Variants in CDAN1 observed in about 807,000 individuals in gnomAD.
The protein encoded by CDAN1 is codanin 1, also known as codanin-1.
A neutral mutation model predicts 139.8 loss-of-function variants in CDAN1; 107 were observed. That is an observed-to-expected ratio of 0.77 (90% CI 0.65 to 0.90). The LOEUF is 0.90. Among genes scored for constraint, CDAN1 ranks in the 40% least tolerant of loss-of-function variants. The probability of loss-of-function intolerance (pLI) is 0.00; values close to 1 mark genes in which losing one functional copy is unlikely to be tolerated. For synonymous variants in CDAN1, 776 were observed against 660.6 expected, an observed-to-expected ratio of 1.17 and a Z score of -2.68; for missense variants, 1,667 against 1,575.7, an observed-to-expected ratio of 1.06 and a Z score of -0.98.
chr15:42,725,181 G>A lies in CDAN1; in HGVS notation c.3521C>T (p.Ala1174Val). ...GGCCTGGTGGAGGCTGCCCAGGCAG[G>A]CCTCTATCTCCATCCGTCCCATCAG... ...KGLMGRMEIE[A>V]CLGSLHQAQW... Residue 1174 changes from alanine (A) to valine (V), a missense_variant, in exon 27 of 28, where the codon GCC becomes GTC. Around this residue, in one of 3 missense-constraint regions of CDAN1, gnomAD observed 936 missense variants for 844.1 expected, o/e 1.11. Transcript: ENST00000356231. 6.2e-7 allele frequency: 1 copy of A among 1,614,156 alleles called. No homozygotes were observed. Among genetic ancestry groups the A allele is most frequent in the Non-Finnish European group, 8.5e-7 (1 of 1,180,012 alleles).
rs1281304062 is a variant in CDAN1, at chr15:42,724,011, G to GTGTT, written c.*476_*479dup. 5 of 226,422 alleles carry GTGTT rather than the reference G, an allele frequency of 2.2e-5. No homozygotes were observed. The highest frequency in any genetic ancestry group is 1.0e-4 in the Admixed American group (2 of 19,270). 14.0% of individuals were successfully genotyped at this position (226,422 alleles called of 1,614,324 possible). A position where few individuals can be genotyped will look rare whatever the true frequency, so the allele number is the denominator to read the frequency against. ...AGGCATGAGCCACCAGACCCGGCCT[G>GTGTT]TGTTAGGCATTTATAAGGAGATGGC... On this transcript the variant is annotated 3_prime_UTR_variant, in exon 28 of 28. Transcript: ENST00000356231.
At chr15:42,729,435 G>C in intron 17 of CDAN1, 73 bp from the exon 18 acceptor site, 6 of 1,603,818 alleles carry the variant, frequency 3.7e-6, no homozygotes, top group Non-Finnish European at 5.1e-6. Flanking sequence ...CTTTACTTGT[G>C]GAGTCAAGAG....
At position 42,725,048 on chromosome 15, in the gene CDAN1, T is replaced by C. The variant is rs2061504292; in HGVS notation, c.3558+96A>G. The C allele has an allele frequency of 6.9e-6, 7 of 1,015,350 alleles. 1 individual carries two copies. The Middle Eastern group carries it at 1.4e-3, about 206-fold the overall frequency. 62.9% of individuals were successfully genotyped at this position (1,015,350 alleles called of 1,614,324 possible). ...TGGCCCTGAAGACTCTTGACAAAAA[T>C]CCACTTAGTTTGGCCCCATCACTTG... On this transcript the variant is annotated intron_variant, in intron 27 of 27. Transcript: ENST00000356231.
Position 42,736,539 on chromosome 15 carries a change from G to A in CDAN1, c.332C>T (p.Ala111Val). ...CCCGCGGCGGGCCAGAGGGGCCTCG[G>A]CAGCGGTGCTCTGGGCCTCGGTCGG... is the stretch of plus-strand genomic sequence containing the variant. Reference protein sequence around the residue: ...FPPTEAQSTAAEAPLARRGGR... With the variant: ...FPPTEAQSTAVEAPLARRGGR... Residue 111 changes from alanine to valine, a missense_variant, in exon 2 of 28, where the codon GCC (alanine) becomes GTC (valine). By Grantham distance (64) the Ala-to-Val change is moderately conservative (BLOSUM62 0). Transcript: ENST00000356231. The A allele has an allele frequency of 2.0e-6, 3 of 1,467,040 alleles. No individual in the cohort carries two copies. The highest frequency in any genetic ancestry group is 2.7e-6 in the Non-Finnish European group (3 of 1,111,732). The allele number at this position is 1,467,040 out of a possible 1,614,324, so 90.9% of individuals were successfully genotyped here.
At chr15:42,729,727 G>A in intron 16 of CDAN1, 69 bp downstream of exon 16, 8 of 1,590,228 alleles carry the variant, frequency 5.0e-6, no homozygotes, top group Non-Finnish European at 6.9e-6. Context: ...CCCTGGCTGG[G>A]CCTCCCCAGG....
intron 22 of CDAN1, 58 bp from the exon 23 acceptor site, chr15:42,727,827 C>T: frequency 1.9e-6 from 3 of 1,610,472 alleles, no homozygotes; most frequent in Non-Finnish European, 2.5e-6. Flanking sequence ...ACAGGTTCAC[C>T]ATGCTAACCC....
chr15:42,724,860 T>C lies in CDAN1; in HGVS notation c.3559-244A>G. 4.9e-6 allele frequency: 3 copies of C among 607,294 alleles called. No individual in the cohort carries two copies. The South Asian group carries it at 5.9e-5, about 12-fold the overall frequency. 37.6% of individuals were successfully genotyped at this position (607,294 alleles called of 1,614,324 possible). Reference sequence around the variant, plus strand: ...TTTGAGTACTACTGAGTGCATCTACTTCATCTTGAAATTATTATTCCCGTT... The same window carrying C: ...TTTGAGTACTACTGAGTGCATCTACCTCATCTTGAAATTATTATTCCCGTT... On this transcript the variant is annotated intron_variant, in intron 27 of 27. Transcript: ENST00000356231.
intron 27 of CDAN1, 180 bp downstream of exon 27, chr15:42,724,964 G>C (rs1040055224): frequency 1.5e-6 from 1 of 677,348 alleles, no homozygotes; most frequent in Non-Finnish European, 2.7e-6. Flanking sequence ...CCTTTCGTCC[G>C]TCTTCCCACT....
chr15:42,728,177 C>T (rs1478865017), intron 21 of CDAN1, 27 bp downstream of exon 21: 6 of 1,612,196 alleles, frequency 3.7e-6, no homozygotes, highest in Non-Finnish European at 4.2e-6. Flanking sequence ...GCCTGGCCTG[C>T]TAGCTGCAGG....
rs771064930 is a variant in CDAN1 at position 42,736,463 on chromosome 15, C to T, written c.408G>A (p.Leu136=). 10 of 1,527,946 alleles carry T rather than the reference C, an allele frequency of 6.5e-6. No homozygotes were observed. The African/African-American group carries it at 1.3e-4, about 19-fold the overall frequency. The allele number at this position is 1,527,946 out of a possible 1,614,324, so 94.6% of individuals were successfully genotyped here. The change falls in exon 2 of 28, where the codon CTG becomes CTA. Residue 136 remains leucine, a synonymous_variant. Coordinates refer to ENST00000356231, the MANE Select transcript of CDAN1 (RefSeq NM_138477.4). ...GPARERGGRG[L]EEGVSGESLP... ...GGCTCTCCCCGCTGACCCCCTCCTC[C>T]AGGCCGCGGCCTCCACGCTCGCGGG... is the stretch of plus-strand genomic sequence containing the variant.
At chr15:42,726,256 G>C in intron 24 of CDAN1, 54 bp downstream of exon 24, 1 of 1,595,730 alleles carries the variant, frequency 6.3e-7, no homozygotes, top group Non-Finnish European at 8.6e-7. Flanking sequence ...TGGTTATCAG[G>C]TCTCACACAA....
At position 42,729,113 on chromosome 15, in the gene CDAN1, T is replaced by C; in HGVS notation, c.2555A>G (p.Gln852Arg). The C allele has an allele frequency of 6.2e-7, 1 of 1,614,182 alleles. No homozygotes were observed. The highest frequency in any genetic ancestry group is 8.5e-7 in the Non-Finnish European group (1 of 1,180,032). Residue 852 changes from glutamine to arginine, a missense_variant, in exon 19 of 28, where the codon CAG becomes CGG. Transcript: ENST00000356231. Reference sequence around the variant, plus strand: ...GGGCGGCTGGTTGTGGAAAAAGGCCTGGGCGAGCTGTGCCTGGGGGGAGGA... The same window carrying C: ...GGGCGGCTGGTTGTGGAAAAAGGCCCGGGCGAGCTGTGCCTGGGGGGAGGA... ...TSQGLQAQLAQAFFHNQPPSL... is the reference protein window; with the variant it reads ...TSQGLQAQLARAFFHNQPPSL...
intron 14 of CDAN1, 89 bp from the exon 15 acceptor site, chr15:42,730,304 G>C: frequency 7.9e-7 from 1 of 1,273,402 alleles, no homozygotes; most frequent in Non-Finnish European, 1.1e-6. Flanking sequence ...GCTTGCAAAA[G>C]CAGAACTAAA....
At position 42,731,234 on chromosome 15, in the gene CDAN1, C is replaced by G; in HGVS notation, c.1837G>C (p.Gly613Arg). 1 of 1,614,210 alleles carries G rather than the reference C, an allele frequency of 6.2e-7. No individual in the cohort carries two copies. Among genetic ancestry groups the G allele is most frequent in the South Asian group, 1.1e-5 (1 of 91,084 alleles). The part of the protein sequence containing the change: ...LPQHEPNDED[G>R]ESDVDWQGER... ...ACCTGCCAGTCTACGTCTGACTCCC[C>G]GTCTTCATCATTGGGCTCATGCTGG... The change falls in exon 12 of 28, where the codon GGG becomes CGG. Residue 613 changes from glycine (G) to arginine (R), a missense_variant. Coordinates refer to ENST00000356231, the MANE Select transcript of CDAN1 (RefSeq NM_138477.4).
chr15:42,730,363 T>G, intron 14 of CDAN1, 148 bp from the exon 15 acceptor site: 1 of 895,592 alleles, frequency 1.1e-6, no homozygotes, highest in Non-Finnish European at 1.8e-6. Context: ...CCCCGCCTCC[T>G]GCATGGGGAC....
Position 42,724,598 on chromosome 15 carries a change from C to G in CDAN1, c.3577G>C (p.Ala1193Pro), listed in dbSNP as rs1566977709. 6.4e-7 allele frequency: 1 copy of G among 1,552,222 alleles called. No individual in the cohort carries two copies. Among genetic ancestry groups the G allele is most frequent in the East Asian group, 2.4e-5 (1 of 40,932 alleles). The change falls in exon 28 of 28, where the codon GCA becomes CCA. Residue 1193 changes from alanine to proline, a missense_variant. By Grantham distance (27) the Ala-to-Pro change is conservative. Transcript: ENST00000356231. ...GCTAGAAACAGATTAGACAGTGTTG[C>G]TAATTCTTCAGCAAAGTCCTGGAAT... ...QWPGDFAEEL[A>P]TLSNLFLAEP...
Position 42,729,282 on chromosome 15 carries a change from T to C in CDAN1, c.2488A>G (p.Thr830Ala). ...SGGFMRKITP[T>A]TTTSLGAQPS... ...TGGGCTCCCAGGCTGGTGGTAGTGGTGGGGGTGATTTTCCTCATGAAGCCC... is the reference window on the plus strand; with the variant it reads ...TGGGCTCCCAGGCTGGTGGTAGTGGCGGGGGTGATTTTCCTCATGAAGCCC... The change falls in exon 18 of 28, where the codon ACC becomes GCC. Residue 830 changes from threonine (T) to alanine (A), a missense_variant. This residue lies in a region of CDAN1 where 936 missense variants were observed against 844.1 expected (regional missense o/e 1.11). Transcript: ENST00000356231. 6.2e-7 allele frequency: 1 copy of C among 1,608,288 alleles called. No homozygotes were observed. The highest frequency in any genetic ancestry group is 8.5e-7 in the Non-Finnish European group (1 of 1,177,780).
chr15:42,736,146 C>A, intron 2 of CDAN1, 68 bp from the exon 3 acceptor site: 7 of 1,576,170 alleles, frequency 4.4e-6, no homozygotes, highest in Non-Finnish European at 6.1e-6. Context: ...ACCACCGCAA[C>A]AGCTAGACCT....
At chr15:42,728,070 G>C (rs765844268) in intron 21 of CDAN1, 37 bp from the exon 22 acceptor site, 1 of 1,607,156 alleles carries the variant, frequency 6.2e-7, no homozygotes, top group Non-Finnish European at 8.5e-7. Flanking sequence ...GGCTAGGGGA[G>C]GGCTGGGTGC....
Sources: allele counts gnomAD v4.1 joint callset, GRCh38; gene constraint gnomAD v4.1.1; regional missense constraint gnomAD v4.1.1; transcripts MANE v1.5; gene names NCBI Gene and HGNC (gene_info 2026-07-23, HGNC 2026-07-21).